ADAMTS12: variants seen among roughly 807,000 people sequenced by gnomAD.
ADAMTS12 encodes the protein A disintegrin and metalloproteinase with thrombospondin motifs 12.
Under a neutral mutation model 167.8 loss-of-function variants are expected in ADAMTS12, and 118 were observed. That is an observed-to-expected ratio of 0.70 (90% CI 0.61 to 0.82). The LOEUF (loss-of-function observed/expected upper bound fraction) is 0.82, where lower values mean the gene tolerates loss of function less well. Ranked by LOEUF, ADAMTS12 falls within the 40% of genes least tolerant of loss-of-function variation. ADAMTS12 has a pLI of 0.00. For missense variants in ADAMTS12, 1,916 were observed against 1,998.8 expected, an observed-to-expected ratio of 0.96 and a Z score of 0.79; for synonymous variants, 704 against 716.9, an observed-to-expected ratio of 0.98 and a Z score of 0.29.
chr5:33,539,290 T>C (rs1180618257), intron 22 of ADAMTS12, among the ~76,000 whole-genome samples: 1 of 152,202 alleles, frequency 6.6e-6, no homozygotes, highest in Non-Finnish European at 1.5e-5. Context: ...ATTTATGCAA[T>C]AAGCAAGCTT....
intron 2 of ADAMTS12, among the ~76,000 whole-genome samples, chr5:33,790,818 GAT>G (rs752022486): frequency 7.1e-6 from 1 of 140,522 alleles, no homozygotes; most frequent in African/African-American, 2.7e-5. Context: ...TATGCATGTT[GAT>G]ATATATATGG....
At chr5:33,856,617 A>G (rs966406537) in intron 2 of ADAMTS12, among the ~76,000 whole-genome samples, 4 of 152,170 alleles carry the variant, frequency 2.6e-5, no homozygotes, top group Non-Finnish European at 5.9e-5. Context: ...TCTCAAAAAA[A>G]AAAAGCATAC....
chr5:33,694,152 A>C (rs1194433683), intron 3 of ADAMTS12, among the ~76,000 whole-genome samples: 1 of 152,224 alleles, frequency 6.6e-6, no homozygotes, highest in Admixed American at 6.5e-5. Context: ...AAGAAATCAA[A>C]GATGACACAA....
intron 2 of ADAMTS12, among the ~76,000 whole-genome samples, chr5:33,794,292 A>C (rs1746690731): frequency 6.6e-6 from 1 of 152,170 alleles, no homozygotes; most frequent in African/African-American, 2.4e-5. Context: ...CCGGTCCTGC[A>C]GGAGAAGTCC....
chr5:33,617,483 T>C (rs1178838976), intron 14 of ADAMTS12, among the ~76,000 whole-genome samples: 1 of 152,208 alleles, frequency 6.6e-6, no homozygotes, highest in Non-Finnish European at 1.5e-5. Flanking sequence ...TTGGCAGCTC[T>C]CATCCAGAGG....
At chr5:33,760,124 A>C (rs1745297062) in intron 2 of ADAMTS12, among the ~76,000 whole-genome samples, 1 of 152,172 alleles carries the variant, frequency 6.6e-6, no homozygotes, top group South Asian at 2.1e-4. Context: ...ACCCTTTGGA[A>C]AGCACTGCAT....
intron 2 of ADAMTS12, among the ~76,000 whole-genome samples, chr5:33,768,043 A>C (rs773320996): frequency 6.6e-6 from 1 of 152,172 alleles, no homozygotes; most frequent in African/African-American, 2.4e-5. Context: ...TTTTTCTAAA[A>C]AATTTTTAAA....
At chr5:33,827,294 A>G (rs190378939) in intron 2 of ADAMTS12, among the ~76,000 whole-genome samples, 3 of 138,962 alleles carry the variant, frequency 2.2e-5, no homozygotes, top group East Asian at 4.2e-4. Context: ...AAATGCAGTT[A>G]GTCTCTAAAA....
At chr5:33,697,700 C>T (rs1048347224) in intron 3 of ADAMTS12, among the ~76,000 whole-genome samples, 1 of 152,170 alleles carries the variant, frequency 6.6e-6, no homozygotes, top group African/African-American at 2.4e-5. Context: ...CTACAGACAC[C>T]CCTTCCCCTT....
At chr5:33,884,471 T>C (rs1043733851) in intron 1 of ADAMTS12, among the ~76,000 whole-genome samples, 2 of 152,202 alleles carry the variant, frequency 1.3e-5, no homozygotes, top group Non-Finnish European at 2.9e-5. Flanking sequence ...CCTATCAGTA[T>C]TTTAAGGCTA....
rs73758591 is a variant in ADAMTS12 at position 33,537,318 on chromosome 5, C to T, written c.4447-2326G>A. Among the ~76,000 whole-genome samples, 1,468 of 152,264 alleles carry T rather than the reference C, an allele frequency of 9.6e-3. 26 individuals are homozygous for T. The highest frequency in any genetic ancestry group is 0.034 in the African/African-American group (1,427 of 41,526). ...AAAAAATGACCTTGAAGTATGGTTT[C>T]CTTGGAAACTAGAGAGTTAAGGTAA... On this transcript the variant is annotated intron_variant, in intron 22 of 23. Transcript: ENST00000504830.
At chr5:33,861,060 G>A (rs758352329) in intron 2 of ADAMTS12, among the ~76,000 whole-genome samples, 2 of 152,070 alleles carry the variant, frequency 1.3e-5, no homozygotes, top group Non-Finnish European at 2.9e-5. Context: ...AAAAACCGGT[G>A]TCAGCCACAG....
chr5:33,547,604 C>A (rs941500235), intron 21 of ADAMTS12, among the ~76,000 whole-genome samples: 3 of 152,148 alleles, frequency 2.0e-5, no homozygotes, highest in Admixed American at 1.3e-4. Flanking sequence ...TTTACATTTT[C>A]TATCTCTACT....
rs369198358 is a variant in ADAMTS12, at chr5:33,641,835, C to T, written c.1693G>A (p.Ala565Thr). ...TCGGGGTTGTTGCAGAGCCTCTCTGCGCTCTGGACTCCAGCCCCACAGGTC... is the reference window on the plus strand; with the variant it reads ...TCGGGGTTGTTGCAGAGCCTCTCTGTGCTCTGGACTCCAGCCCCACAGGTC... ...SRTCGAGVQS[A>T]ERLCNNPEPK... The change falls in exon 11 of 24, where the codon GCA becomes ACA. Residue 565 changes from alanine to threonine, a missense_variant. Ala to Thr is a moderately conservative substitution (Grantham distance 58, BLOSUM62 0). Coordinates refer to ENST00000504830, the MANE Select transcript of ADAMTS12 (RefSeq NM_030955.4). 49 of 1,612,468 alleles carry T rather than the reference C, an allele frequency of 3.0e-5. No homozygotes were observed. The highest frequency in any genetic ancestry group is 1.2e-4 in the Admixed American group (7 of 59,976).
intron 5 of ADAMTS12, among the ~76,000 whole-genome samples, chr5:33,667,781 A>G (rs926654934): frequency 6.6e-6 from 1 of 152,202 alleles, no homozygotes; most frequent in African/African-American, 2.4e-5. Context: ...GACAGCTGTC[A>G]TTTGAACTGG....
intron 14 of ADAMTS12, among the ~76,000 whole-genome samples, chr5:33,619,705 A>AT (rs575381644): frequency 6.6e-6 from 1 of 151,672 alleles, no homozygotes; most frequent in Admixed American, 6.6e-5. Context: ...TTATTTATTA[A>AT]TTTTTTTTGA....
At chr5:33,642,642 T>C (rs1020078926) in intron 10 of ADAMTS12, among the ~76,000 whole-genome samples, 5 of 152,178 alleles carry the variant, frequency 3.3e-5, no homozygotes, top group South Asian at 2.1e-4. Context: ...AGAGTAAATA[T>C]ACAAAAATGA....
At chr5:33,697,692 A>G (rs1489478217) in intron 3 of ADAMTS12, among the ~76,000 whole-genome samples, 2 of 152,172 alleles carry the variant, frequency 1.3e-5, no homozygotes, top group Admixed American at 6.5e-5. Flanking sequence ...CTAGCTTACT[A>G]CAGACACCCC....
intron 3 of ADAMTS12, among the ~76,000 whole-genome samples, chr5:33,685,135 C>T (rs993948803): frequency 8.3e-4 from 126 of 152,358 alleles, no homozygotes; most frequent in African/African-American, 3.0e-3. Context: ...CTGCCTCTCC[C>T]TCATCTGCAC....
Sources: allele counts gnomAD v4.1 joint callset (sites outside exome capture counted in the v4.1 genomes callset), GRCh38; gene constraint gnomAD v4.1.1; transcripts MANE v1.5; gene names NCBI Gene and HGNC (gene_info 2026-07-23, HGNC 2026-07-21).